Variants in SBF2 observed in about 807,000 individuals in gnomAD.
SBF2 encodes myotubularin-related protein 13.
A neutral mutation model predicts 225.2 loss-of-function variants in SBF2; 112 were observed. The observed-to-expected ratio is 0.50, with a 90% CI of 0.43 to 0.58. SBF2 has a LOEUF of 0.58. Ranked by LOEUF, SBF2 falls within the 20% of genes least tolerant of loss-of-function variation. SBF2 has a pLI of 0.00. For missense variants in SBF2, 1,996 were observed against 2,206.2 expected, an observed-to-expected ratio of 0.90 and a Z score of 1.91; for synonymous variants, 763 against 773.3, an observed-to-expected ratio of 0.99 and a Z score of 0.22.
rs2134000677 is a variant in SBF2, at chr11:9,856,469, A to G, written c.2352T>C (p.Ile784=). Residue 784 remains isoleucine (I), a synonymous_variant, in exon 19 of 40, where the codon ATT becomes ATC. Coordinates refer to ENST00000256190, the MANE Select transcript of SBF2 (RefSeq NM_030962.4). The part of the protein sequence containing the change: ...PGDWESGSNS[I]VTNSIAGSVA... ...TCACATTTTGGTACCTGTTTGTGACAATGCTGTTGCTTCCGCTCTCCCAGT... is the reference window on the plus strand; with the variant it reads ...TCACATTTTGGTACCTGTTTGTGACGATGCTGTTGCTTCCGCTCTCCCAGT... 1 of 1,613,920 alleles carries G rather than the reference A, an allele frequency of 6.2e-7. No individual in the cohort carries two copies. Among genetic ancestry groups the G allele is most frequent in the Admixed American group, 1.7e-5 (1 of 60,028 alleles).
chr11:10,087,459 A>T (rs185717005), intron 2 of SBF2, among the ~76,000 whole-genome samples: 6 of 152,332 alleles, frequency 3.9e-5, no homozygotes, highest in Admixed American at 3.3e-4. Context: ...TTTCTCAGAA[A>T]GGCTGCATTA....
At chr11:10,235,043 G>A (rs771424002) in intron 1 of SBF2, among the ~76,000 whole-genome samples, 1 of 152,190 alleles carries the variant, frequency 6.6e-6, no homozygotes, top group Non-Finnish European at 1.5e-5. Context: ...AAACAGGTGT[G>A]AGTAAGCACT....
At chr11:9,789,557 C>G (rs1177465849) in intron 34 of SBF2, among the ~76,000 whole-genome samples, 1 of 152,178 alleles carries the variant, frequency 6.6e-6, no homozygotes, top group African/African-American at 2.4e-5. Flanking sequence ...AATGTAACTT[C>G]CTAATGACGT....
chr11:10,040,504 A>G (rs1322656843), intron 3 of SBF2, among the ~76,000 whole-genome samples: 2 of 151,940 alleles, frequency 1.3e-5, no homozygotes, highest in African/African-American at 4.8e-5. Flanking sequence ...AAAAGAGACG[A>G]AAGAGAAATA....
chr11:9,919,547 G>C (rs888987576), intron 16 of SBF2, among the ~76,000 whole-genome samples: 68 of 151,920 alleles, frequency 4.5e-4, no homozygotes, highest in African/African-American at 1.6e-3. Context: ...TACGTGACTG[G>C]GGGCTGCATG....
intron 17 of SBF2, among the ~76,000 whole-genome samples, chr11:9,874,394 TA>T (rs1182288688): frequency 6.6e-6 from 1 of 152,068 alleles, no homozygotes; most frequent in Non-Finnish European, 1.5e-5. Flanking sequence ...CAGAGACCCC[TA>T]AAAAAATTAT....
At chr11:10,125,707 A>G (rs192150732) in intron 2 of SBF2, among the ~76,000 whole-genome samples, 5 of 152,214 alleles carry the variant, frequency 3.3e-5, no homozygotes, top group Admixed American at 3.3e-4. Context: ...TACAGACTCT[A>G]TCCAGATTTC....
chr11:9,959,801 T>C, intron 16 of SBF2: 1 of 613,760 alleles, frequency 1.6e-6, no homozygotes, highest in African/African-American at 1.8e-5. Flanking sequence ...GAAGGTGTTC[T>C]GGGCACTGAG....
In SBF2 at chr11:10,215,998, T is replaced by G. The variant is rs138910199; in HGVS notation, c.56-22011A>C. Among the ~76,000 whole-genome samples the G allele has an allele frequency of 4.6e-3, 695 of 152,364 alleles. 4 individuals carry two copies. Among genetic ancestry groups the G allele is most frequent in the African/African-American group, 0.016 (659 of 41,588 alleles). ...AAGTATACTGTCCCTTCTGTGGACATTCTCCTCTTTAATCTTACCTCCATT... is the reference window on the plus strand; with the variant it reads ...AAGTATACTGTCCCTTCTGTGGACAGTCTCCTCTTTAATCTTACCTCCATT... On this transcript the variant is annotated intron_variant, in intron 1 of 39. Coordinates refer to ENST00000256190, the MANE Select transcript of SBF2 (RefSeq NM_030962.4).
At chr11:9,929,356 A>C (rs1361167625) in intron 16 of SBF2, 1 of 182,312 alleles carries the variant, frequency 5.5e-6, no homozygotes, top group Non-Finnish European at 1.1e-5. Flanking sequence ...TTGGATTGTG[A>C]TGTGCCACAA....
intron 2 of SBF2, among the ~76,000 whole-genome samples, chr11:10,075,476 A>G (rs551160090): frequency 2.0e-4 from 31 of 152,310 alleles, no homozygotes; most frequent in African/African-American, 7.5e-4. Context: ...TTGAATCGTG[A>G]TCCCAAGTGT....
intron 13 of SBF2, among the ~76,000 whole-genome samples, chr11:9,980,653 C>A (rs1464232217): frequency 2.0e-5 from 3 of 151,372 alleles, no homozygotes; most frequent in Non-Finnish European, 4.4e-5. Flanking sequence ...GTGGCGAGAT[C>A]TCGGCTTACT....
chr11:10,167,388 C>T (rs1956005489), intron 2 of SBF2, among the ~76,000 whole-genome samples: 1 of 151,962 alleles, frequency 6.6e-6, no homozygotes, highest in African/African-American at 2.4e-5. Context: ...ACATACTGAA[C>T]CCTGGTCTCT....
At chr11:10,223,910 T>C (rs538672530) in intron 1 of SBF2, among the ~76,000 whole-genome samples, 1 of 152,274 alleles carries the variant, frequency 6.6e-6, no homozygotes, top group East Asian at 1.9e-4. Context: ...AGCTACAAAA[T>C]TATTAACAAT....
intron 1 of SBF2, among the ~76,000 whole-genome samples, chr11:10,243,220 A>G (rs1168473837): frequency 6.6e-6 from 1 of 152,172 alleles, no homozygotes; most frequent in Non-Finnish European, 1.5e-5. Context: ...TATATTCTGG[A>G]ACAACTAATG....
chr11:10,108,649 C>G (rs1048773769), intron 2 of SBF2, among the ~76,000 whole-genome samples: 1 of 150,868 alleles, frequency 6.6e-6, no homozygotes, highest in East Asian at 1.9e-4. Flanking sequence ...CTCAGCCTCC[C>G]GAGTAGCTGG....
At chr11:9,985,219 A>T (rs905404748) in intron 13 of SBF2, among the ~76,000 whole-genome samples, 1 of 152,180 alleles carries the variant, frequency 6.6e-6, no homozygotes, top group Non-Finnish European at 1.5e-5. Flanking sequence ...CACCTAACAT[A>T]CATAACGACT....
Position 9,856,618 on chromosome 11 carries a change from G to C in SBF2, c.2203C>G (p.Leu735Val), listed in dbSNP as rs1262002839. The C allele has an allele frequency of 1.9e-6, 3 of 1,614,022 alleles. No homozygotes were observed. The highest frequency in any genetic ancestry group is 2.5e-6 in the Non-Finnish European group (3 of 1,180,022). ...PTLSKSTQQE[L>V]VQHEESTVFS... ...ACAGTGCTTTCCTCATGTTGCACTA[G>C]CTCTTGCTGAGTTGACTTGCTCAGG... The change falls in exon 19 of 40, where the codon CTA becomes GTA. Residue 735 changes from leucine to valine, a missense_variant. Coordinates refer to ENST00000256190, the MANE Select transcript of SBF2 (RefSeq NM_030962.4).
intron 6 of SBF2, among the ~76,000 whole-genome samples, chr11:10,009,485 C>T (rs1001558022): frequency 3.3e-5 from 5 of 152,140 alleles, no homozygotes; most frequent in Non-Finnish European, 2.9e-5. Context: ...GTTCAACTCC[C>T]ACTTATGAGT....
Sources: gnomAD v4.1 joint callset for allele counts (sites outside exome capture counted in the v4.1 genomes callset) on GRCh38, gnomAD v4.1.1 for gene constraint, MANE v1.5 for transcripts, NCBI Gene and HGNC (gene_info 2026-07-23, HGNC 2026-07-21) for gene names.